RGS6: variants seen among roughly 807,000 people sequenced by gnomAD.
RGS6 encodes regulator of G-protein signaling 6.
A neutral mutation model predicts 78.5 loss-of-function variants in RGS6; 30 were observed. That is an observed-to-expected ratio of 0.38 (90% CI 0.29 to 0.52). The LOEUF (loss-of-function observed/expected upper bound fraction) is 0.52. RGS6 is among the 20% of genes least tolerant of loss of function. The probability of loss-of-function intolerance (pLI) is 0.85; values close to 1 mark genes in which losing one functional copy is unlikely to be tolerated. For synonymous variants in RGS6, 206 were observed against 206.0 expected (o/e 1.00, Z 0.00); for missense variants, 495 against 609.7 (o/e 0.81, Z 1.98).
At chr14:72,470,173 C>G in intron 8 of RGS6, 90 bp downstream of exon 8, 2 of 943,578 alleles carry the variant, frequency 2.1e-6, no homozygotes, top group Non-Finnish European at 3.4e-6. Context: ...AGTGAAGTTT[C>G]CAGATGGCGT....
chr14:71,911,276 C>T, the RGS6 span, among the ~76,000 whole-genome samples: 1 of 152,198 alleles, frequency 6.6e-6, no homozygotes, highest in East Asian at 1.9e-4. Flanking sequence ...GTTTGCTACT[C>T]AACACCTCGA....
intron 2 of RGS6, among the ~76,000 whole-genome samples, chr14:72,281,936 A>T (rs999281809): frequency 6.6e-6 from 1 of 152,238 alleles, no homozygotes; most frequent in East Asian, 1.9e-4. Flanking sequence ...ACACAAAGTC[A>T]TCGGAAGATT....
At chr14:72,591,604 A>G in the RGS6 span, among the ~76,000 whole-genome samples, 1 of 152,174 alleles carries the variant, frequency 6.6e-6, no homozygotes, top group African/African-American at 2.4e-5. Context: ...GACTGCTTCT[A>G]ATTGAGCCCG....
intron 3 of RGS6, among the ~76,000 whole-genome samples, chr14:72,452,890 C>T (rs773472847): frequency 2.0e-5 from 3 of 152,116 alleles, no homozygotes; most frequent in East Asian, 3.8e-4. Flanking sequence ...ACATTGTTTG[C>T]GGGTCACATT....
Position 72,349,147 on chromosome 14 carries a change from A to AC in RGS6, c.85-2948_85-2947insC, listed in dbSNP as rs774151771. On this transcript the variant is annotated intron_variant, in intron 2 of 17. Transcript: ENST00000553525. ...ACGCCACTGCACTCCAGCCTGGGTGAAGAGTGAGACTCCGTCTCAAAAAAT... is the reference window on the plus strand; with the variant it reads ...ACGCCACTGCACTCCAGCCTGGGTGACAGAGTGAGACTCCGTCTCAAAAAAT... Among the ~76,000 whole-genome samples, 218 of 152,338 alleles carry AC rather than the reference A, an allele frequency of 1.4e-3. 2 individuals carry two copies. Among genetic ancestry groups the AC allele is most frequent in the Non-Finnish European group, 7.1e-4 (48 of 68,030 alleles).
Position 72,395,907 on chromosome 14 carries a change from C to T in RGS6, c.184+43713C>T, listed in dbSNP as rs1435318796. On this transcript the variant is annotated intron_variant, in intron 3 of 17. Transcript: ENST00000553525. ...ATAGTATTCCATGGTGTATATGTGC[C>T]ACATTTTCTTAATCCAGTCTATCAT... 5.9e-5 allele frequency among the ~76,000 whole-genome samples: 9 copies of T among 152,100 alleles called. No homozygotes were observed. The East Asian group carries it at 1.2e-3, about 20-fold the overall frequency.
chr14:71,884,898 G>T, the RGS6 span, among the ~76,000 whole-genome samples: 4 of 152,154 alleles, frequency 2.6e-5, no homozygotes, highest in African/African-American at 9.7e-5. Flanking sequence ...GTTCCCTGTG[G>T]TATAAGGGCA....
chr14:71,959,914 C>G (rs1413373672), intron 1 of RGS6, among the ~76,000 whole-genome samples: 3 of 152,268 alleles, frequency 2.0e-5, no homozygotes, highest in South Asian at 2.1e-4. Flanking sequence ...GGTGGGAGAG[C>G]CCATTGTCAA....
At chr14:72,267,653 A>G (rs918747308) in intron 2 of RGS6, among the ~76,000 whole-genome samples, 7 of 152,318 alleles carry the variant, frequency 4.6e-5, no homozygotes, top group African/African-American at 1.7e-4. Flanking sequence ...TAGGAGCATT[A>G]GCAACAAATA....
chr14:72,264,148 G>T (rs563501654), intron 2 of RGS6, among the ~76,000 whole-genome samples: 1 of 152,206 alleles, frequency 6.6e-6, no homozygotes, highest in South Asian at 2.1e-4. Flanking sequence ...TACGAGAAAG[G>T]TTTGTTCTCA....
At chr14:71,902,556 T>A in the RGS6 span, among the ~76,000 whole-genome samples, 1 of 151,784 alleles carries the variant, frequency 6.6e-6, no homozygotes, top group Non-Finnish European at 1.5e-5. Context: ...CTCAGAGAGG[T>A]GTCTGTTTGG....
chr14:72,606,154 C>T, the RGS6 span, among the ~76,000 whole-genome samples: 1 of 152,004 alleles, frequency 6.6e-6, no homozygotes, highest in Non-Finnish European at 1.5e-5. Flanking sequence ...GGTATTAAAC[C>T]ATGCCATTCC....
At chr14:72,060,737 T>C (rs574038331) in intron 2 of RGS6, among the ~76,000 whole-genome samples, 1 of 152,356 alleles carries the variant, frequency 6.6e-6, no homozygotes, top group South Asian at 2.1e-4. Flanking sequence ...TACTGAAGTC[T>C]TATTCTGAAA....
At chr14:71,906,936 C>T in the RGS6 span, among the ~76,000 whole-genome samples, 2 of 152,314 alleles carry the variant, frequency 1.3e-5, no homozygotes, top group Admixed American at 6.5e-5. Flanking sequence ...AGGACATTCA[C>T]GGGGCCTAGA....
chr14:71,932,162 G>A (rs1401104524), upstream of RGS6, among the ~76,000 whole-genome samples: 6 of 152,374 alleles, frequency 3.9e-5, no homozygotes, highest in South Asian at 1.2e-3. Flanking sequence ...GGCTTCTTGA[G>A]GATGAGGCAT....
chr14:72,069,773 C>T (rs1481052276), intron 2 of RGS6, among the ~76,000 whole-genome samples: 1 of 152,164 alleles, frequency 6.6e-6, no homozygotes, highest in Non-Finnish European at 1.5e-5. Context: ...CTCCTGGGCT[C>T]CAGCAATCTG....
chr14:72,396,701 C>A (rs2091366304), intron 3 of RGS6, among the ~76,000 whole-genome samples: 1 of 152,040 alleles, frequency 6.6e-6, no homozygotes, highest in South Asian at 2.1e-4. Flanking sequence ...GTCTTTAATC[C>A]ATCTTGAATT....
At chr14:72,161,818 G>A (rs1427653920) in intron 2 of RGS6, among the ~76,000 whole-genome samples, 1 of 152,246 alleles carries the variant, frequency 6.6e-6, no homozygotes, top group Admixed American at 6.5e-5. Context: ...GATAACAGAT[G>A]AGAAAAAGCT....
chr14:72,356,908 G>A (rs961084480), intron 3 of RGS6, among the ~76,000 whole-genome samples: 1 of 152,130 alleles, frequency 6.6e-6, no homozygotes, highest in African/African-American at 2.4e-5. Flanking sequence ...GTCTTTATTA[G>A]CAGCATGAGA....
Sources: gnomAD v4.1 joint callset for allele counts (sites outside exome capture counted in the v4.1 genomes callset) on GRCh38, gnomAD v4.1.1 for gene constraint, MANE v1.5 for transcripts, NCBI Gene and HGNC (gene_info 2026-07-23, HGNC 2026-07-21) for gene names.